The following FMNL2 variants were observed in gnomAD, a reference collection of about 807,000 sequenced individuals.
FMNL2 encodes formin like 2, also known as formin-like protein 2.
Under a neutral mutation model 130.2 loss-of-function variants are expected in FMNL2, and 51 were observed. The ratio of observed to expected loss-of-function variants is 0.39; its 90% CI spans 0.31 to 0.49. The LOEUF is 0.49. Ranked by LOEUF, FMNL2 falls within the 20% of genes least tolerant of loss-of-function variation. The pLI is 0.85. For synonymous variants in FMNL2, 465 were observed against 467.1 expected (o/e 1.00, Z 0.06); for missense variants, 977 against 1,316.2 (o/e 0.74, Z 3.99).
In FMNL2 at chr2:152,628,549, C is replaced by T. The variant is rs1434043111; in HGVS notation, c.2400+16C>T. 1 of 1,602,346 alleles carries T rather than the reference C, an allele frequency of 6.2e-7. No homozygotes were observed. Among genetic ancestry groups the T allele is most frequent in the East Asian group, 2.2e-5 (1 of 44,808 alleles). On this transcript the variant is annotated intron_variant, in intron 18 of 25. Coordinates refer to ENST00000288670, the MANE Select transcript of FMNL2 (RefSeq NM_052905.4). ...GCTGACTCCTGTGAGTGGACTGACTCTGGCAGGGGAGGGGGTCCAAAGAAA... is the reference window on the plus strand; with the variant it reads ...GCTGACTCCTGTGAGTGGACTGACTTTGGCAGGGGAGGGGGTCCAAAGAAA...
chr2:152,363,995 A>G (rs1056832792), intron 1 of FMNL2, among the ~76,000 whole-genome samples: 3 of 152,120 alleles, frequency 2.0e-5, no homozygotes, highest in Admixed American at 6.6e-5. Flanking sequence ...TGGTGTTTAT[A>G]TTGGAATTCA....
intron 9 of FMNL2, among the ~76,000 whole-genome samples, chr2:152,605,931 G>A (rs148980930): frequency 1.6e-4 from 24 of 152,258 alleles, no homozygotes; most frequent in Non-Finnish European, 2.2e-4. Flanking sequence ...GTCATTCATC[G>A]TTTTGTGAAG....
chr2:152,549,750 C>G (rs1311041595), intron 4 of FMNL2, among the ~76,000 whole-genome samples: 2 of 152,180 alleles, frequency 1.3e-5, no homozygotes, highest in Non-Finnish European at 2.9e-5. Context: ...CCCTGGGTGG[C>G]CTAATTGTAC....
chr2:152,385,624 A>G (rs1684736687), intron 1 of FMNL2, among the ~76,000 whole-genome samples: 1 of 152,248 alleles, frequency 6.6e-6, no homozygotes, highest in East Asian at 1.9e-4. Flanking sequence ...AAGGTAAGAT[A>G]AGGCAAAAGT....
chr2:152,396,939 A>G (rs933432188), intron 1 of FMNL2, among the ~76,000 whole-genome samples: 2 of 152,212 alleles, frequency 1.3e-5, no homozygotes, highest in East Asian at 1.9e-4. Context: ...AAAGAATCAT[A>G]AGACTATGGA....
chr2:152,602,369 A>G (rs1252547775), intron 9 of FMNL2, among the ~76,000 whole-genome samples: 1 of 152,204 alleles, frequency 6.6e-6, no homozygotes, highest in Non-Finnish European at 1.5e-5. Flanking sequence ...TTTCCAGGGC[A>G]TATACTTTTA....
intron 9 of FMNL2, among the ~76,000 whole-genome samples, chr2:152,596,265 CTT>C (rs532012872): frequency 1.5e-4 from 23 of 151,984 alleles, no homozygotes; most frequent in Admixed American, 1.0e-3. Flanking sequence ...GCCCGGCTGT[CTT>C]TTTTTTCTAC....
chr2:152,414,812 G>C (rs1330188232), intron 1 of FMNL2, among the ~76,000 whole-genome samples: 3 of 152,152 alleles, frequency 2.0e-5, no homozygotes. Context: ...TAACTCTGAG[G>C]TTGCCCTCTT....
At chr2:152,374,894 G>T (rs1205249828) in intron 1 of FMNL2, among the ~76,000 whole-genome samples, 3 of 152,204 alleles carry the variant, frequency 2.0e-5, no homozygotes, top group African/African-American at 7.2e-5. Flanking sequence ...GGCTCAGCCA[G>T]TGGAAATCAG....
At chr2:152,510,244 G>A (rs1363635676) in intron 1 of FMNL2, among the ~76,000 whole-genome samples, 2 of 152,220 alleles carry the variant, frequency 1.3e-5, no homozygotes, top group African/African-American at 2.4e-5. Flanking sequence ...TTATTGAAAT[G>A]CAGCTTGTTT....
At chr2:152,578,840 T>C in intron 7 of FMNL2, 48 bp from the exon 8 acceptor site, 2 of 1,517,964 alleles carry the variant, frequency 1.3e-6, no homozygotes, top group Non-Finnish European at 1.8e-6. Flanking sequence ...GTTCCCTAAC[T>C]TGTCTCCCAA....
intron 1 of FMNL2, among the ~76,000 whole-genome samples, chr2:152,351,270 G>A (rs1173423212): frequency 6.6e-6 from 1 of 152,108 alleles, no homozygotes; most frequent in Non-Finnish European, 1.5e-5. Flanking sequence ...TACATGCCAT[G>A]GTTTGCTGTA....
rs1213540311 is a variant in FMNL2, at chr2:152,498,962, T to G, written c.118-22981T>G. On this transcript the variant is annotated intron_variant, in intron 1 of 25. Transcript: ENST00000288670. ...GGCATCTTTGTAAACATAAAGGGCC[T>G]ATGTGGTTCATGTATCTTTCTGTAA... 2.0e-5 allele frequency among the ~76,000 whole-genome samples: 3 copies of G among 152,308 alleles called. No individual in the cohort carries two copies. In the East Asian group the frequency reaches 5.8e-4, roughly 29 times the overall value.
At chr2:152,374,561 G>A (rs1461737332) in intron 1 of FMNL2, among the ~76,000 whole-genome samples, 3 of 152,086 alleles carry the variant, frequency 2.0e-5, no homozygotes, top group Admixed American at 6.6e-5. Context: ...TGAAAATGAC[G>A]CGGATTATGG....
At position 152,619,509 on chromosome 2, in the gene FMNL2, T is replaced by C; in HGVS notation, c.1628T>C (p.Val543Ala). ...LPPSSDTPET[V>A]QNGPVTPPMP... ...CATCTGTTTCTTTTTTCTTTGCTAGTGCAAAATGGTCCAGTAACACCACCT... is the reference window on the plus strand; with the variant it reads ...CATCTGTTTCTTTTTTCTTTGCTAGCGCAAAATGGTCCAGTAACACCACCT... Residue 543 changes from valine (V) to alanine (A), a missense_variant and splice_region_variant, in exon 15 of 26, where the codon GTG (valine) becomes GCG (alanine). Val to Ala is a moderately conservative substitution (Grantham distance 64). Transcript: ENST00000288670. 3.2e-6 allele frequency: 5 copies of C among 1,549,486 alleles called. No individual in the cohort carries two copies. Among genetic ancestry groups the C allele is most frequent in the Non-Finnish European group, 4.4e-6 (5 of 1,146,768 alleles).
intron 1 of FMNL2, among the ~76,000 whole-genome samples, chr2:152,476,287 C>T (rs1162927612): frequency 4.6e-5 from 7 of 152,206 alleles, no homozygotes; most frequent in Non-Finnish European, 8.8e-5. Flanking sequence ...ACTTAAAGCA[C>T]CAGCTATGTT....
intron 1 of FMNL2, among the ~76,000 whole-genome samples, chr2:152,515,899 G>A (rs879429589): frequency 6.6e-6 from 1 of 151,972 alleles, no homozygotes; most frequent in Non-Finnish European, 1.5e-5. Context: ...TGGCTTTTTC[G>A]ACTGTGGGGT....
Position 152,435,121 on chromosome 2 carries a change from A to G in FMNL2, c.118-86822A>G, listed in dbSNP as rs185426086. Among the ~76,000 whole-genome samples, 139 of 152,210 alleles carry G rather than the reference A, an allele frequency of 9.1e-4. 1 individual carries two copies. Among genetic ancestry groups the G allele is most frequent in the African/African-American group, 3.2e-3 (132 of 41,536 alleles). ...GAGGCATTGGACTCATATGGCCTAAATTTTTTGACTCAGATACCTGTACAT... is the reference window on the plus strand; with the variant it reads ...GAGGCATTGGACTCATATGGCCTAAGTTTTTTGACTCAGATACCTGTACAT... On this transcript the variant is annotated intron_variant, in intron 1 of 25. Coordinates refer to ENST00000288670, the MANE Select transcript of FMNL2 (RefSeq NM_052905.4).
chr2:152,381,633 A>G (rs989363359), intron 1 of FMNL2, among the ~76,000 whole-genome samples: 1 of 152,184 alleles, frequency 6.6e-6, no homozygotes, highest in African/African-American at 2.4e-5. Context: ...TTACTTTTAA[A>G]AATGCATCTC....
Sources: gnomAD v4.1 joint callset for allele counts (sites outside exome capture counted in the v4.1 genomes callset) on GRCh38, gnomAD v4.1.1 for gene constraint, MANE v1.5 for transcripts, NCBI Gene and HGNC (gene_info 2026-07-23, HGNC 2026-07-21) for gene names.